Variants in INPP4B observed in about 807,000 individuals in gnomAD.
INPP4B encodes inositol polyphosphate-4-phosphatase type II B.
INPP4B carries 55 observed loss-of-function variants against 122.5 expected under a neutral mutation model. That is an observed-to-expected ratio of 0.45 (90% CI 0.36 to 0.56). The LOEUF (loss-of-function observed/expected upper bound fraction) is 0.56. INPP4B is among the 20% of genes least tolerant of loss of function. INPP4B has a pLI of 0.00. For synonymous variants in INPP4B, 403 were observed against 388.7 expected, an observed-to-expected ratio of 1.04 and a Z score of -0.43; for missense variants, 1,000 against 1,097.7, an observed-to-expected ratio of 0.91 and a Z score of 1.26.
chr4:142,218,301 A>G (rs1187358234), intron 12 of INPP4B, among the ~76,000 whole-genome samples: 6 of 152,200 alleles, frequency 3.9e-5, no homozygotes, highest in African/African-American at 1.4e-4. Flanking sequence ...AACTATAGTG[A>G]TGTTCGACTT....
chr4:142,794,458 C>G (rs1776963750), intron 1 of INPP4B, among the ~76,000 whole-genome samples: 1 of 151,814 alleles, frequency 6.6e-6, no homozygotes, highest in East Asian at 1.9e-4. Context: ...TAGATCCCTA[C>G]TTACACCATA....
intron 5 of INPP4B, among the ~76,000 whole-genome samples, chr4:142,419,120 G>A (rs1369952404): frequency 6.6e-6 from 1 of 152,116 alleles, no homozygotes; most frequent in Admixed American, 6.6e-5. Context: ...GCTTTATGGA[G>A]ATAGATACCA....
chr4:142,108,124 G>T lies in INPP4B; in HGVS notation c.2343C>A (p.Tyr781Ter). Residue 781 changes from tyrosine (Y) to a stop codon, truncating the protein, a stop_gained, in exon 23 of 26, where the codon TAC (tyrosine) becomes TAA (stop). Transcript: ENST00000262992. LOFTEE classifies it high-confidence loss of function. ...QENFELLQEYYKIFMEKMPPD... is the reference protein window; with the variant it reads ...QENFELLQEY ...GAGGCATCTTTTCCATAAATATCTTGTAATATTCTTGTAGAAGTTCGAAGT... is the reference window on the plus strand; with the variant it reads ...GAGGCATCTTTTCCATAAATATCTTTTAATATTCTTGTAGAAGTTCGAAGT... 1 of 1,580,218 alleles carries T rather than the reference G, an allele frequency of 6.3e-7. No individual in the cohort carries two copies.
At chr4:142,162,176 A>C (rs1462605635) in intron 16 of INPP4B, among the ~76,000 whole-genome samples, 1 of 151,814 alleles carries the variant, frequency 6.6e-6, no homozygotes, top group Non-Finnish European at 1.5e-5. Flanking sequence ...CATGAAAAAC[A>C]TAATTTATAA....
At chr4:142,839,470 C>T (rs1783220619) in intron 1 of INPP4B, among the ~76,000 whole-genome samples, 1 of 152,112 alleles carries the variant, frequency 6.6e-6, no homozygotes. Context: ...AGGACATAAA[C>T]TGAAGTCTAT....
chr4:142,753,840 AG>A (rs1340497169), intron 1 of INPP4B, among the ~76,000 whole-genome samples: 3 of 152,086 alleles, frequency 2.0e-5, no homozygotes, highest in African/African-American at 4.8e-5. Context: ...TACTACAAAA[AG>A]CTAGTATACT....
At chr4:142,400,663 C>T (rs142331397) in intron 7 of INPP4B, among the ~76,000 whole-genome samples, 1 of 152,248 alleles carries the variant, frequency 6.6e-6, no homozygotes, top group Non-Finnish European at 1.5e-5. Flanking sequence ...TTGATAAATG[C>T]AATCTGGGTG....
intron 1 of INPP4B, among the ~76,000 whole-genome samples, chr4:142,728,299 T>A (rs958101744): frequency 6.6e-6 from 1 of 152,176 alleles, no homozygotes; most frequent in Non-Finnish European, 1.5e-5. Context: ...AGCATATATG[T>A]CTTCTAAATA....
chr4:142,367,493 A>G (rs189385869), intron 7 of INPP4B, among the ~76,000 whole-genome samples: 3 of 152,186 alleles, frequency 2.0e-5, no homozygotes, highest in Admixed American at 1.3e-4. Context: ...ATGTTTTACT[A>G]TCAGTCTGTC....
At chr4:142,275,392 T>C (rs1479675490) in intron 9 of INPP4B, among the ~76,000 whole-genome samples, 1 of 151,806 alleles carries the variant, frequency 6.6e-6, no homozygotes, top group African/African-American at 2.4e-5. Flanking sequence ...ACTGTCAGCC[T>C]TTGTGAATAT....
At chr4:142,045,768 T>TATTA (rs1192924090) in intron 25 of INPP4B, among the ~76,000 whole-genome samples, 1 of 152,140 alleles carries the variant, frequency 6.6e-6, no homozygotes, top group South Asian at 2.1e-4. Flanking sequence ...AGTCAAGAGA[T>TATTA]ATTAATTAAG....
intron 7 of INPP4B, among the ~76,000 whole-genome samples, chr4:142,364,464 T>C (rs1786664690): frequency 2.0e-5 from 3 of 152,048 alleles, no homozygotes; most frequent in African/African-American, 7.2e-5. Flanking sequence ...GAATCCCTAA[T>C]AGATATTGGG....
chr4:142,782,262 T>A (rs1036351612), intron 1 of INPP4B, among the ~76,000 whole-genome samples: 2 of 151,718 alleles, frequency 1.3e-5, no homozygotes, highest in Non-Finnish European at 2.9e-5. Context: ...AATAGTTTAC[T>A]GAGAATGATG....
At chr4:142,536,386 C>T (rs2150007235) in intron 2 of INPP4B, among the ~76,000 whole-genome samples, 1 of 152,174 alleles carries the variant, frequency 6.6e-6, no homozygotes, top group Non-Finnish European at 1.5e-5. Flanking sequence ...AAAATTGAAA[C>T]CGAAACATTT....
rs926719948 is a variant in INPP4B, at chr4:142,194,452, C to T, written c.1073-1257G>A. On this transcript the variant is annotated intron_variant, in intron 14 of 25. Coordinates refer to ENST00000262992, the MANE Select transcript of INPP4B (RefSeq NM_001101669.3). ...ATGTTTGTTAATTACATAATTACAT[C>T]TGTTCTATGTCATGGAAAGGCATCA... Among the ~76,000 whole-genome samples, 3 of 152,140 alleles carry T rather than the reference C, an allele frequency of 2.0e-5. No individual in the cohort carries two copies. The East Asian group carries it at 5.8e-4, about 29-fold the overall frequency.
chr4:142,625,493 A>C (rs1355452477), intron 2 of INPP4B, among the ~76,000 whole-genome samples: 1 of 152,202 alleles, frequency 6.6e-6, no homozygotes, highest in African/African-American at 2.4e-5. Flanking sequence ...GGACACAAAC[A>C]AATAGAAGAA....
chr4:142,536,378 A>T (rs764010841), intron 2 of INPP4B, among the ~76,000 whole-genome samples: 15 of 152,178 alleles, frequency 9.9e-5, no homozygotes, highest in Non-Finnish European at 2.1e-4. Context: ...AACTTCTAAA[A>T]ATTGAAACCG....
chr4:142,791,918 A>G (rs1776610244), intron 1 of INPP4B, among the ~76,000 whole-genome samples: 1 of 152,016 alleles, frequency 6.6e-6, no homozygotes, highest in African/African-American at 2.4e-5. Flanking sequence ...CCCACCTCCA[A>G]CAATCCTGGC....
At chr4:142,333,143 AGG>A (rs1181557440) in intron 7 of INPP4B, among the ~76,000 whole-genome samples, 2 of 152,162 alleles carry the variant, frequency 1.3e-5, no homozygotes, top group Non-Finnish European at 2.9e-5. Context: ...GGTGCTGAGC[AGG>A]GGCCACGTGA....
Sources: allele counts gnomAD v4.1 joint callset (sites outside exome capture counted in the v4.1 genomes callset), GRCh38; gene constraint gnomAD v4.1.1; transcripts MANE v1.5; gene names NCBI Gene and HGNC (gene_info 2026-07-23, HGNC 2026-07-21).